The following ITGA8 variants were observed in gnomAD, a reference collection of about 807,000 sequenced individuals.
ITGA8 encodes integrin subunit alpha 8.
A neutral mutation model predicts 142.3 loss-of-function variants in ITGA8; 91 were observed. The ratio of observed to expected loss-of-function variants is 0.64; its 90% CI spans 0.54 to 0.76. ITGA8 has a LOEUF of 0.76. Ranked by LOEUF, ITGA8 falls within the 30% of genes least tolerant of loss-of-function variation. ITGA8 has a pLI of 0.00. For missense variants in ITGA8, 1,406 were observed against 1,327.7 expected (o/e 1.06, Z -0.92); for synonymous variants, 505 against 485.2 (o/e 1.04, Z -0.54).
intron 3 of ITGA8, among the ~76,000 whole-genome samples, chr10:15,684,553 T>C (rs1834801073): frequency 6.6e-6 from 1 of 152,016 alleles, no homozygotes; most frequent in Non-Finnish European, 1.5e-5. Flanking sequence ...TTTTGTTTTT[T>C]GTAGAGACAG....
At chr10:15,533,250 C>T (rs1367679236) in intron 27 of ITGA8, among the ~76,000 whole-genome samples, 2 of 152,134 alleles carry the variant, frequency 1.3e-5, no homozygotes, top group Non-Finnish European at 2.9e-5. Context: ...CTTTTATATA[C>T]TTAAAGTTAC....
intron 13 of ITGA8, among the ~76,000 whole-genome samples, chr10:15,635,297 G>T (rs941406432): frequency 1.3e-5 from 2 of 152,008 alleles, no homozygotes; most frequent in Admixed American, 6.5e-5. Context: ...AAGCCACTGC[G>T]CCCGGCCTTC....
At chr10:15,677,813 T>C (rs1462224736) in intron 5 of ITGA8, among the ~76,000 whole-genome samples, 176 bp from the exon 6 acceptor site, 1 of 152,236 alleles carries the variant, frequency 6.6e-6, no homozygotes, top group African/African-American at 2.4e-5. Context: ...TCTTTTGTTT[T>C]CAATTATTTA....
intron 13 of ITGA8, among the ~76,000 whole-genome samples, chr10:15,628,334 T>G (rs1434788083): frequency 7.8e-6 from 1 of 127,610 alleles, no homozygotes; most frequent in African/African-American, 3.0e-5. Flanking sequence ...GTTTTTTTTT[T>G]TTTTTTTTTT....
chr10:15,617,399 G>GT (rs11448806), intron 13 of ITGA8, among the ~76,000 whole-genome samples: 105,922 of 148,008 alleles, frequency 0.72, 38,190 homozygotes, highest in Middle Eastern at 0.85. Flanking sequence ...CAAACTGTCT[G>GT]TTTTTTTTTT....
chr10:15,525,196 A>C (rs1456429692), intron 28 of ITGA8, among the ~76,000 whole-genome samples: 1 of 152,030 alleles, frequency 6.6e-6, no homozygotes, highest in Non-Finnish European at 1.5e-5. Flanking sequence ...TTGAAATATC[A>C]TTTCAAATAA....
At chr10:15,668,918 G>A (rs1834451833) in intron 8 of ITGA8, among the ~76,000 whole-genome samples, 1 of 152,154 alleles carries the variant, frequency 6.6e-6, no homozygotes, top group African/African-American at 2.4e-5. Context: ...TCCCTTTGTG[G>A]GTAACCCGAC....
intron 20 of ITGA8, among the ~76,000 whole-genome samples, chr10:15,601,348 A>G (rs186835421): frequency 2.6e-4 from 40 of 152,266 alleles, no homozygotes; most frequent in Middle Eastern, 3.4e-3. Flanking sequence ...ACTGAACAAG[A>G]GATGATAACA....
chr10:15,681,115 A>G (rs1044324037), intron 4 of ITGA8, among the ~76,000 whole-genome samples: 32 of 152,222 alleles, frequency 2.1e-4, no homozygotes, highest in African/African-American at 7.0e-4. Context: ...CAGGTCATCA[A>G]TATGAATGAG....
chr10:15,698,849 C>T (rs968481125), intron 2 of ITGA8, among the ~76,000 whole-genome samples: 5 of 152,102 alleles, frequency 3.3e-5, no homozygotes, highest in African/African-American at 9.7e-5. Flanking sequence ...GATGTTCTCC[C>T]GCTCTGTGGG....
At chr10:15,650,817 T>C (rs1440881783) in intron 11 of ITGA8, among the ~76,000 whole-genome samples, 1 of 152,170 alleles carries the variant, frequency 6.6e-6, no homozygotes, top group Non-Finnish European at 1.5e-5. Flanking sequence ...GTGGACTATA[T>C]AGTAAATATC....
intron 13 of ITGA8, among the ~76,000 whole-genome samples, chr10:15,643,289 A>G (rs577165238): frequency 9.2e-5 from 14 of 152,162 alleles, no homozygotes; most frequent in Non-Finnish European, 1.5e-4. Flanking sequence ...GAAGAGATAC[A>G]TATATTTTTT....
intron 8 of ITGA8, among the ~76,000 whole-genome samples, chr10:15,670,308 C>T (rs1475583494): frequency 6.6e-6 from 1 of 152,168 alleles, no homozygotes; most frequent in African/African-American, 2.4e-5. Context: ...AAGTATTCCT[C>T]ATGCATTAGC....
At chr10:15,666,233 C>T (rs1467329585) in intron 8 of ITGA8, among the ~76,000 whole-genome samples, 1 of 152,162 alleles carries the variant, frequency 6.6e-6, no homozygotes, top group Non-Finnish European at 1.5e-5. Flanking sequence ...AGGTCCTTCA[C>T]ATCCCTTGTA....
intron 23 of ITGA8, among the ~76,000 whole-genome samples, chr10:15,584,671 A>C (rs2131590719): frequency 6.6e-6 from 1 of 152,344 alleles, no homozygotes; most frequent in South Asian, 2.1e-4. Flanking sequence ...CCCCCTGTGT[A>C]CTGGAAGATA....
chr10:15,697,068 A>ACACACACACACACACACACACAC (rs1564414009), intron 2 of ITGA8, among the ~76,000 whole-genome samples: 3 of 42,470 alleles, frequency 7.1e-5, no homozygotes, highest in African/African-American at 1.9e-4. Flanking sequence ...CACACACACA[A>ACACACACACACACACACACACAC]GAAATAGTAT....
Position 15,718,749 on chromosome 10 carries a change from G to A in ITGA8, c.343+17C>T. On this transcript the variant is annotated intron_variant, in intron 2 of 29. Transcript: ENST00000378076. ...CCAAACCCAGGCCCACAGCTTAGAA[G>A]GACAAATCTCACTTACTGGTGGTGT... 4 of 1,613,400 alleles carry A rather than the reference G, an allele frequency of 2.5e-6. No individual in the cohort carries two copies. Among genetic ancestry groups the A allele is most frequent in the East Asian group, 4.5e-5 (2 of 44,852 alleles).
At chr10:15,607,049 G>A (rs1833208826) in intron 17 of ITGA8, among the ~76,000 whole-genome samples, 1 of 152,058 alleles carries the variant, frequency 6.6e-6, no homozygotes, top group Admixed American at 6.6e-5. Flanking sequence ...TTTCATTCTT[G>A]AGTGTGATTG....
chr10:15,719,645 C>A lies in ITGA8; in HGVS notation c.127G>T (p.Val43Leu), dbSNP rs768939924. The change falls in exon 1 of 30, where the codon GTG becomes TTG. Residue 43 changes from valine (V) to leucine (L), a missense_variant. By Grantham distance (32) the Val-to-Leu change is conservative. Coordinates refer to ENST00000378076, the MANE Select transcript of ITGA8 (RefSeq NM_003638.3). The part of the protein sequence containing the change: ...SPACQAFNLD[V>L]EKLTVYSGPK... ...CCGCTGTACACTGTGAGCTTTTCCA[C>A]GTCCAGGTTGAACGCCTGACAGGCG... is the stretch of plus-strand genomic sequence containing the variant. The A allele has an allele frequency of 6.5e-7, 1 of 1,529,464 alleles. No individual in the cohort carries two copies. The highest frequency in any genetic ancestry group is 1.3e-5 in the South Asian group (1 of 79,578). 94.7% of individuals were successfully genotyped at this position (1,529,464 alleles called of 1,614,324 possible). A position where few individuals can be genotyped will look rare whatever the true frequency, so the allele number is the denominator to read the frequency against.
Sources: allele counts gnomAD v4.1 joint callset (sites outside exome capture counted in the v4.1 genomes callset), GRCh38; gene constraint gnomAD v4.1.1; transcripts MANE v1.5; gene names NCBI Gene and HGNC (gene_info 2026-07-23, HGNC 2026-07-21).